PLA2G2D: variants seen among roughly 807,000 people sequenced by gnomAD.
PLA2G2D encodes group IID secretory phospholipase A2.
In PLA2G2D, 17 loss-of-function variants were observed where a neutral mutation model predicts 13.9. The ratio of observed to expected loss-of-function variants is 1.23; its 90% CI spans 0.84 to 1.84. PLA2G2D has a LOEUF of 1.84. Among genes scored for constraint, PLA2G2D ranks in the 40% most tolerant of loss-of-function variants. The pLI, the probability that PLA2G2D is intolerant of heterozygous loss-of-function variation, is 0.00. For synonymous variants in PLA2G2D, 83 were observed against 69.3 expected, an observed-to-expected ratio of 1.20 and a Z score of -0.98; for missense variants, 194 against 178.7, an observed-to-expected ratio of 1.09 and a Z score of -0.49.
In PLA2G2D at chr1:20,115,613, C is replaced by A. The variant is rs1451420971; in HGVS notation, c.186G>T (p.Trp62Cys). The stretch of plus-strand genomic sequence containing the variant: ...AGCAGCAGTCATGGGTCTGGCAGCA[C>A]CTGGAGCAGACAGGGTGCACAGCTG... ...GRGQPKDATD[W>C]CCQTHDCCYD... Residue 62 changes from tryptophan (W) to cysteine (C), a missense_variant and splice_region_variant, in exon 3 of 4, where the codon TGG (tryptophan) becomes TGT (cysteine). Transcript: ENST00000375105. 1.9e-6 allele frequency: 3 copies of A among 1,599,254 alleles called. No individual in the cohort carries two copies. The African/African-American group carries it at 4.0e-5, about 21-fold the overall frequency.
chr1:20,117,745 C>G (rs1175744002), intron 1 of PLA2G2D, among the ~76,000 whole-genome samples: 1 of 152,174 alleles, frequency 6.6e-6, no homozygotes, highest in Admixed American at 6.5e-5. Flanking sequence ...GGCAGCCCCT[C>G]TTCGAGTGAG....
chr1:20,114,530 GA>G (rs1170259451), intron 3 of PLA2G2D, among the ~76,000 whole-genome samples: 1 of 152,192 alleles, frequency 6.6e-6, no homozygotes, highest in Non-Finnish European at 1.5e-5. Flanking sequence ...GGACATGAGA[GA>G]GGGGCAGGTA....
At chr1:20,119,343 G>T (rs973744534) in intron 1 of PLA2G2D, 116 bp downstream of exon 1, 68 of 916,738 alleles carry the variant, frequency 7.4e-5, no homozygotes, top group Non-Finnish European at 5.5e-6. Flanking sequence ...GGATTGGGGA[G>T]TGGGGGCCAG....
In PLA2G2D at chr1:20,115,589, G is replaced by T; in HGVS notation, c.210C>A (p.Cys70Ter). ...TDWCCQTHDC[C>*]YDHLKTQGCS... ...ACCCCTGGGTCTTCAGGTGGTCATA[G>T]CAGCAGTCATGGGTCTGGCAGCACC... Residue 70 changes from cysteine (C) to a stop codon, truncating the protein, a stop_gained, in exon 3 of 4, where the codon TGC (cysteine) becomes TGA (stop). Coordinates refer to ENST00000375105, the MANE Select transcript of PLA2G2D (RefSeq NM_012400.4). LOFTEE classifies it high-confidence loss of function. 6.2e-7 allele frequency: 1 copy of T among 1,612,116 alleles called. No individual in the cohort carries two copies. Among genetic ancestry groups the T allele is most frequent in the Non-Finnish European group, 8.5e-7 (1 of 1,178,194 alleles).
Position 20,114,003 on chromosome 1 carries a change from C to A in PLA2G2D, c.*111G>T. ...CATTGGTAGAGGGTTCCGGGGGAGG[C>A]TGGGACTACCTCCCCCCGGAGTGTT... On this transcript the variant is annotated 3_prime_UTR_variant, in exon 4 of 4. Transcript: ENST00000375105. 1 of 956,756 alleles carries A rather than the reference C, an allele frequency of 1.0e-6. No homozygotes were observed. The allele number at this position is 956,756 out of a possible 1,614,324, so 59.3% of individuals were successfully genotyped here.
intron 1 of PLA2G2D, among the ~76,000 whole-genome samples, chr1:20,117,693 A>C (rs1227477824): frequency 1.3e-5 from 2 of 152,146 alleles, no homozygotes; most frequent in Non-Finnish European, 2.9e-5. Flanking sequence ...TGCAGGGAGC[A>C]CACGTCCCGA....
chr1:20,117,710 C>T (rs1261823800), intron 1 of PLA2G2D, among the ~76,000 whole-genome samples: 1 of 152,004 alleles, frequency 6.6e-6, no homozygotes, highest in Non-Finnish European at 1.5e-5. Flanking sequence ...CCGATGGAGC[C>T]CAGAGTCTCA....
At position 20,116,429 on chromosome 1, in the gene PLA2G2D, T is replaced by C. The variant is rs1489882009; in HGVS notation, c.89A>G (p.Lys30Arg). 1 of 1,614,074 alleles carries C rather than the reference T, an allele frequency of 6.2e-7. No individual in the cohort carries two copies. The highest frequency in any genetic ancestry group is 8.5e-7 in the Non-Finnish European group (1 of 1,180,034). ...GATGGGCATTTTCCCAGTCACTTGCTTGACCATCTTGTTCAGGTTCAGGAT... is the reference window on the plus strand; with the variant it reads ...GATGGGCATTTTCCCAGTCACTTGCCTGACCATCTTGTTCAGGTTCAGGAT... ...GGILNLNKMV[K>R]QVTGKMPILS... Residue 30 changes from lysine to arginine, a missense_variant, in exon 2 of 4, where the codon AAG becomes AGG. Transcript: ENST00000375105.
At position 20,114,078 on chromosome 1, in the gene PLA2G2D, C is replaced by G. The variant is rs1557766881; in HGVS notation, c.*36G>C. Reference sequence around the variant, plus strand: ...AGATACTGAGGTGGGGATGCCAGAGCTCCATGCTGAGGAACAGGGTAGAGG... The same window carrying G: ...AGATACTGAGGTGGGGATGCCAGAGGTCCATGCTGAGGAACAGGGTAGAGG... On this transcript the variant is annotated 3_prime_UTR_variant, in exon 4 of 4. Transcript: ENST00000375105. 3 of 1,596,048 alleles carry G rather than the reference C, an allele frequency of 1.9e-6. No individual in the cohort carries two copies. The highest frequency in any genetic ancestry group is 2.6e-6 in the Non-Finnish European group (3 of 1,170,080).
chr1:20,115,439 G>T, intron 3 of PLA2G2D, 68 bp downstream of exon 3: 1 of 894,032 alleles, frequency 1.1e-6, no homozygotes, highest in Non-Finnish European at 1.9e-6. Flanking sequence ...GCTGTGCTGT[G>T]AAGGCAGTGG....
rs2016932653 is a variant in PLA2G2D at position 20,113,923 on chromosome 1, G to C, written c.*191C>G. 3 of 522,210 alleles carry C rather than the reference G, an allele frequency of 5.7e-6. No individual in the cohort carries two copies. In the East Asian group the frequency reaches 9.6e-5, roughly 17 times the overall value. The allele number at this position is 522,210 out of a possible 1,614,324, so 32.3% of individuals were successfully genotyped here. On this transcript the variant is annotated 3_prime_UTR_variant, in exon 4 of 4. Transcript: ENST00000375105. ...CCAAGATTCCCATCCACCCTCAGAG[G>C]ACACAGCTACTGCCTCAACTGGGAG...
rs1190905902 is a variant in PLA2G2D at position 20,114,112 on chromosome 1, T to C, written c.*2A>G. 6.2e-7 allele frequency: 1 copy of C among 1,612,272 alleles called. No individual in the cohort carries two copies. Among genetic ancestry groups the C allele is most frequent in the Non-Finnish European group, 8.5e-7 (1 of 1,179,630 alleles). On this transcript the variant is annotated 3_prime_UTR_variant, in exon 4 of 4. Coordinates refer to ENST00000375105, the MANE Select transcript of PLA2G2D (RefSeq NM_012400.4). ...GAGGAACAGGGTAGAGGGTGTGGGC[T>C]TCTAGCACCCAGGGGTCTGCCCCCG...
At chr1:20,119,175 C>G (rs1026915431) in intron 1 of PLA2G2D, among the ~76,000 whole-genome samples, 5 of 152,172 alleles carry the variant, frequency 3.3e-5, no homozygotes, top group Admixed American at 1.3e-4. Context: ...AAAGCGTCAT[C>G]ATCATGGGCC....
rs1280747251 is a variant in PLA2G2D at position 20,116,437 on chromosome 1, C to T, written c.81G>A (p.Lys27=). The T allele has an allele frequency of 6.2e-7, 1 of 1,614,182 alleles. No homozygotes were observed. Among genetic ancestry groups the T allele is most frequent in the Admixed American group, 1.7e-5 (1 of 60,028 alleles). Residue 27 remains lysine (K), a synonymous_variant, in exon 2 of 4, where the codon AAG becomes AAA. Coordinates refer to ENST00000375105, the MANE Select transcript of PLA2G2D (RefSeq NM_012400.4). The stretch of plus-strand genomic sequence containing the variant: ...TTTTCCCAGTCACTTGCTTGACCAT[C>T]TTGTTCAGGTTCAGGATCCCGCCCT... ...PIQGGILNLN[K]MVKQVTGKMP...
intron 3 of PLA2G2D, among the ~76,000 whole-genome samples, chr1:20,115,079 G>A (rs898283100): frequency 5.3e-5 from 8 of 152,110 alleles, no homozygotes; most frequent in African/African-American, 1.9e-4. Flanking sequence ...GATAATCAGG[G>A]TTTTGCCGAT....
In PLA2G2D at chr1:20,112,975, G is replaced by A. The variant is rs559067477; in HGVS notation, c.*1139C>T. 63 of 152,396 alleles carry A rather than the reference G, an allele frequency of 4.1e-4. No individual in the cohort carries two copies. In the South Asian group the frequency reaches 9.5e-3, roughly 23 times the overall value. The allele number at this position is 152,396 out of a possible 1,614,324, so 9.4% of individuals were successfully genotyped here. A position where few individuals can be genotyped will look rare whatever the true frequency, so the allele number is the denominator to read the frequency against. ...ATTTAGGGGAAGGAGGCAGATTGGA[G>A]CAGTTGGCTGCCAACACCTGGCCTC... On this transcript the variant is annotated 3_prime_UTR_variant, in exon 4 of 4. Transcript: ENST00000375105.
rs547419750 is a variant in PLA2G2D at position 20,112,417 on chromosome 1, C to G, written c.*1697G>C. 1 of 152,254 alleles carries G rather than the reference C, an allele frequency of 6.6e-6. No homozygotes were observed. Among genetic ancestry groups the G allele is most frequent in the Non-Finnish European group, 1.5e-5 (1 of 68,092 alleles). The allele number at this position is 152,254 out of a possible 1,614,324, so 9.4% of individuals were successfully genotyped here. A position where few individuals can be genotyped will look rare whatever the true frequency, so the allele number is the denominator to read the frequency against. ...ATAGAACTGGAATTTGAACCCAGCGCCCACAGTCCTTCATTCCTATGACAC... is the reference window on the plus strand; with the variant it reads ...ATAGAACTGGAATTTGAACCCAGCGGCCACAGTCCTTCATTCCTATGACAC... On this transcript the variant is annotated 3_prime_UTR_variant, in exon 4 of 4. Transcript: ENST00000375105.
chr1:20,119,374 C>T, intron 1 of PLA2G2D, 85 bp downstream of exon 1: 2 of 1,182,704 alleles, frequency 1.7e-6, no homozygotes, highest in Non-Finnish European at 2.5e-6. Flanking sequence ...ATCAGAGCAG[C>T]AGCCCCCTAA....
chr1:20,114,316 A>C, intron 3 of PLA2G2D, 57 bp from the exon 4 acceptor site: 1 of 1,565,038 alleles, frequency 6.4e-7, no homozygotes, highest in Non-Finnish European at 8.7e-7. Context: ...AGAGGCAGGT[A>C]TGAGTCTAGC....
Sources: allele counts gnomAD v4.1 joint callset (sites outside exome capture counted in the v4.1 genomes callset), GRCh38; gene constraint gnomAD v4.1.1; transcripts MANE v1.5; gene names NCBI Gene and HGNC (gene_info 2026-07-23, HGNC 2026-07-21).